The following PDE1C variants were observed in gnomAD, a reference collection of about 807,000 sequenced individuals.
The protein encoded by PDE1C is dual specificity calcium/calmodulin-dependent 3',5'-cyclic nucleotide phosphodiesterase 1C.
Under a neutral mutation model 93.1 loss-of-function variants are expected in PDE1C, and 62 were observed. That is an observed-to-expected ratio of 0.67 (90% CI 0.54 to 0.82). The LOEUF (loss-of-function observed/expected upper bound fraction) is 0.82, where lower values mean the gene tolerates loss of function less well. Among genes scored for constraint, PDE1C ranks in the 40% least tolerant of loss-of-function variants. The pLI is 0.00. For synonymous variants in PDE1C, 325 were observed against 310.1 expected, an observed-to-expected ratio of 1.05 and a Z score of -0.50; for missense variants, 742 against 884.6, an observed-to-expected ratio of 0.84 and a Z score of 2.04.
At chr7:32,130,469 C>T (rs1236555013) in intron 3 of PDE1C, among the ~76,000 whole-genome samples, 2 of 152,000 alleles carry the variant, frequency 1.3e-5, no homozygotes, top group East Asian at 1.9e-4. Flanking sequence ...GAAAAAGTAC[C>T]TCACTCTCCT....
chr7:32,140,358 G>A (rs766694749), intron 3 of PDE1C, among the ~76,000 whole-genome samples: 9 of 152,274 alleles, frequency 5.9e-5, no homozygotes, highest in Middle Eastern at 3.4e-3. Flanking sequence ...TCTTAGAACC[G>A]TATGTCACAA....
intron 2 of PDE1C, among the ~76,000 whole-genome samples, chr7:32,044,319 C>T (rs1234943386): frequency 1.3e-5 from 2 of 152,084 alleles, no homozygotes; most frequent in Non-Finnish European, 2.9e-5. Flanking sequence ...GCAAATATGA[C>T]AGTCAGTAAG....
the PDE1C span, among the ~76,000 whole-genome samples, chr7:31,649,900 G>T: frequency 6.6e-6 from 1 of 152,302 alleles, no homozygotes; most frequent in African/African-American, 2.4e-5. Flanking sequence ...AAAGAGCTGA[G>T]CTCCACTCCA....
chr7:32,335,094 A>C (rs867258541), intron 1 of PDE1C, among the ~76,000 whole-genome samples: 2 of 152,214 alleles, frequency 1.3e-5, no homozygotes, highest in African/African-American at 4.8e-5. Context: ...CTAACAAAGA[A>C]TAAGCATCTG....
chr7:32,340,288 T>C (rs1783723480), intron 1 of PDE1C, among the ~76,000 whole-genome samples: 1 of 152,146 alleles, frequency 6.6e-6, no homozygotes, highest in Admixed American at 6.5e-5. Flanking sequence ...GTTCCCAATA[T>C]TGATCGGATC....
At chr7:31,691,420 C>T in the PDE1C span, among the ~76,000 whole-genome samples, 1 of 152,210 alleles carries the variant, frequency 6.6e-6, no homozygotes, top group Non-Finnish European at 1.5e-5. Flanking sequence ...TCCCCCACCA[C>T]TCTTGCTATA....
In PDE1C at chr7:32,380,233, T is replaced by TC. The variant is rs995737551; in HGVS notation, c.310+47588_310+47589insG. On this transcript the variant is annotated intron_variant, in intron 1 of 1. Coordinates refer to the PDE1C transcript ENST00000672256. ...CACTTCCATCCTCTCTCTCTCTCTC[T>TC]TTTTTTTTTATTTATTTTTTTTGAG... is the stretch of plus-strand genomic sequence containing the variant. Among the ~76,000 whole-genome samples, 117 of 148,554 alleles carry TC rather than the reference T, an allele frequency of 7.9e-4. 1 individual carries two copies. The highest frequency in any genetic ancestry group is 2.7e-3 in the African/African-American group (108 of 40,510).
At chr7:32,313,088 G>T (rs1216123986) in intron 1 of PDE1C, among the ~76,000 whole-genome samples, 1 of 151,910 alleles carries the variant, frequency 6.6e-6, no homozygotes, top group African/African-American at 2.4e-5. Context: ...CAAAAAGTGG[G>T]CGAAGGATAT....
intron 1 of PDE1C, among the ~76,000 whole-genome samples, chr7:32,054,540 C>A (rs1352068279): frequency 2.0e-5 from 3 of 152,116 alleles, no homozygotes; most frequent in Admixed American, 6.5e-5. Flanking sequence ...CAAGGGCATG[C>A]ACGTTAACTG....
chr7:31,620,978 A>G, the PDE1C span, among the ~76,000 whole-genome samples: 144,264 of 148,278 alleles, frequency 0.97, 70,185 homozygotes, highest in East Asian at 0.98. Context: ...CTCAGGAGCC[A>G]ATGCGATCAA....
chr7:31,825,652 A>C (rs1179310230), intron 12 of PDE1C, among the ~76,000 whole-genome samples: 2 of 152,160 alleles, frequency 1.3e-5, no homozygotes, highest in Non-Finnish European at 2.9e-5. Context: ...GGAAGGGAGA[A>C]GGATGAGAAA....
At chr7:32,269,813 GC>G (rs1049420024) in intron 1 of PDE1C, among the ~76,000 whole-genome samples, 1 of 151,960 alleles carries the variant, frequency 6.6e-6, no homozygotes, top group African/African-American at 2.4e-5. Flanking sequence ...TCACTCTGTT[GC>G]CCAGGCTGGA....
At chr7:31,748,479 A>T (rs1328871195), downstream of PDE1C, among the ~76,000 whole-genome samples, 1 of 152,252 alleles carries the variant, frequency 6.6e-6, no homozygotes, top group Non-Finnish European at 1.5e-5. Flanking sequence ...CAAGTTGAAC[A>T]TTATGAGTTA....
At chr7:32,362,874 T>C (rs995037744) in intron 1 of PDE1C, among the ~76,000 whole-genome samples, 9 of 152,214 alleles carry the variant, frequency 5.9e-5, no homozygotes, top group African/African-American at 2.2e-4. Context: ...TGTGGCTGGG[T>C]GGCACCTGGC....
intron 1 of PDE1C, among the ~76,000 whole-genome samples, chr7:32,366,868 C>CAAAAAA (rs141845086): frequency 0.067 from 9,667 of 144,330 alleles, 983 homozygotes; most frequent in African/African-American, 0.22. Flanking sequence ...ACTAAAAATA[C>CAAAAAA]AAAAAAAAAA....
At chr7:31,842,155 T>C (rs1408501611) in intron 9 of PDE1C, among the ~76,000 whole-genome samples, 1 of 152,148 alleles carries the variant, frequency 6.6e-6, no homozygotes, top group Non-Finnish European at 1.5e-5. Flanking sequence ...AAATTAACTA[T>C]CACACATGAT....
intron 1 of PDE1C, among the ~76,000 whole-genome samples, chr7:32,426,347 C>G (rs1311683482): frequency 6.6e-6 from 1 of 150,868 alleles, no homozygotes; most frequent in African/African-American, 2.4e-5. Context: ...GATCTCAGCT[C>G]ACTGCAGCCT....
chr7:31,621,193 A>T, the PDE1C span, among the ~76,000 whole-genome samples: 1 of 152,188 alleles, frequency 6.6e-6, no homozygotes, highest in African/African-American at 2.4e-5. Flanking sequence ...GCAGGATATT[A>T]TCCAGGAGAA....
At chr7:32,342,714 G>A (rs961936678) in intron 1 of PDE1C, among the ~76,000 whole-genome samples, 6 of 152,038 alleles carry the variant, frequency 3.9e-5, no homozygotes, top group African/African-American at 1.4e-4. Flanking sequence ...GGCAAGTGAG[G>A]CCTCTTTGTA....
Sources: gnomAD v4.1 joint callset for allele counts (sites outside exome capture counted in the v4.1 genomes callset) on GRCh38, gnomAD v4.1.1 for gene constraint, MANE v1.5 for transcripts, NCBI Gene and HGNC (gene_info 2026-07-23, HGNC 2026-07-21) for gene names.